FAM107B: variants seen among roughly 807,000 people sequenced by gnomAD.
FAM107B encodes protein FAM107B.
A neutral mutation model predicts 31.5 loss-of-function variants in FAM107B; 21 were observed. The ratio of observed to expected loss-of-function variants is 0.67; its 90% confidence interval spans 0.47 to 0.96. The LOEUF (loss-of-function observed/expected upper bound fraction) is 0.96, where lower values mean the gene tolerates loss of function less well. FAM107B is among the 40% of genes least tolerant of loss of function. The pLI is 0.00. For synonymous variants in FAM107B, 157 were observed against 141.5 expected (o/e 1.11, Z -0.78); for missense variants, 452 against 377.1 (o/e 1.20, Z -1.64).
At chr10:14,577,327 A>G (rs1427146878) in intron 2 of FAM107B, among the ~76,000 whole-genome samples, 3 of 152,206 alleles carry the variant, frequency 2.0e-5, no homozygotes, top group South Asian at 2.1e-4. Flanking sequence ...ATGGGGCCCA[A>G]TGGAGAAAGA....
At chr10:14,559,252 G>C (rs1850017790) in intron 2 of FAM107B, among the ~76,000 whole-genome samples, 1 of 152,212 alleles carries the variant, frequency 6.6e-6, no homozygotes. Context: ...AGAACTGCAA[G>C]AACCATTTGG....
intron 1 of FAM107B, among the ~76,000 whole-genome samples, chr10:14,759,703 G>C (rs1016373056): frequency 3.3e-5 from 5 of 152,026 alleles, no homozygotes; most frequent in African/African-American, 1.2e-4. Context: ...TTATGGTATA[G>C]AGCCTTCTTT....
chr10:14,617,499 A>C (rs1852883490), intron 2 of FAM107B, among the ~76,000 whole-genome samples: 1 of 152,194 alleles, frequency 6.6e-6, no homozygotes, highest in South Asian at 2.1e-4. Context: ...TTTAACATAA[A>C]ATTGTACATT....
intron 1 of FAM107B, among the ~76,000 whole-genome samples, chr10:14,761,783 A>G (rs949247807): frequency 2.6e-5 from 4 of 151,010 alleles, no homozygotes; most frequent in Non-Finnish European, 5.9e-5. Flanking sequence ...TTTTTAGTAG[A>G]GGGGGGGGTT....
rs565458479 is a variant in FAM107B at position 14,625,868 on chromosome 10, T to TTAAAAA, written c.469+41765_469+41766insTTTTTA. 1.5e-4 allele frequency among the ~76,000 whole-genome samples: 16 copies of TTAAAAA among 108,916 alleles called. 1 individual carries two copies. Among genetic ancestry groups the TTAAAAA allele is most frequent in the Middle Eastern group, 5.0e-3 (1 of 202 alleles). 71.5% of individuals were successfully genotyped at this position (108,916 alleles called of 152,430 possible). A position where few individuals can be genotyped will look rare whatever the true frequency, so the allele number is the denominator to read the frequency against. On this transcript the variant is annotated intron_variant, in intron 2 of 4. Coordinates refer to ENST00000181796, the MANE Select transcript of FAM107B (RefSeq NM_031453.4). Reference sequence around the variant, plus strand: ...GACCTCCATGCAGCTGCTCATGGATTAAAAAAAAAAAAGCTAATTTCAACA... The same window carrying TTAAAAA: ...GACCTCCATGCAGCTGCTCATGGATTTAAAAAAAAAAAAAAAAAGCTAATTTCAACA...
At chr10:14,618,761 C>T (rs1307937794) in intron 2 of FAM107B, among the ~76,000 whole-genome samples, 1 of 151,962 alleles carries the variant, frequency 6.6e-6, no homozygotes, top group South Asian at 2.1e-4. Flanking sequence ...CGCTTGAACC[C>T]GGGAGACAGA....
intron 2 of FAM107B, among the ~76,000 whole-genome samples, chr10:14,655,561 C>T (rs934480781): frequency 3.3e-5 from 5 of 152,096 alleles, no homozygotes; most frequent in South Asian, 2.1e-4. Flanking sequence ...CTGGCACAAA[C>T]GTTTTAAAAT....
chr10:14,698,080 A>G (rs993399528), intron 1 of FAM107B, among the ~76,000 whole-genome samples: 2 of 152,126 alleles, frequency 1.3e-5, no homozygotes, highest in African/African-American at 4.8e-5. Flanking sequence ...AGCCGAGATC[A>G]TGCCATTTCA....
rs563368340 is a variant in FAM107B, at chr10:14,519,486, C to T, written c.*1704G>A. ...AAAAAATAGTTACCATTCCATTCTT[C>T]GAAACCAAATTACTGTAGAGCAACA... On this transcript the variant is annotated 3_prime_UTR_variant, in exon 5 of 5. Coordinates refer to ENST00000181796, the MANE Select transcript of FAM107B (RefSeq NM_031453.4). The T allele has an allele frequency of 6.6e-5, 10 of 152,182 alleles. No homozygotes were observed. Among genetic ancestry groups the T allele is most frequent in the Non-Finnish European group, 1.3e-4 (9 of 68,030 alleles). The allele number at this position is 152,182 out of a possible 1,614,324, so 9.4% of individuals were successfully genotyped here. A position where few individuals can be genotyped will look rare whatever the true frequency, so the allele number is the denominator to read the frequency against.
chr10:14,536,381 T>C (rs1366319517), intron 2 of FAM107B, among the ~76,000 whole-genome samples: 1 of 152,178 alleles, frequency 6.6e-6, no homozygotes, highest in Non-Finnish European at 1.5e-5. Context: ...GGAGAATCTG[T>C]TTCCTAAGCT....
intron 2 of FAM107B, among the ~76,000 whole-genome samples, chr10:14,596,788 T>C (rs1852202522): frequency 6.6e-6 from 1 of 152,016 alleles, no homozygotes; most frequent in Non-Finnish European, 1.5e-5. Flanking sequence ...CTTCTAAGAG[T>C]CACCTATCCT....
At chr10:14,658,293 C>G (rs1404999407) in intron 2 of FAM107B, among the ~76,000 whole-genome samples, 2 of 152,152 alleles carry the variant, frequency 1.3e-5, no homozygotes, top group East Asian at 3.8e-4. Flanking sequence ...GAGCATTTCC[C>G]CTAAGAAAAG....
At chr10:14,677,272 T>A (rs1194589252) in intron 1 of FAM107B, among the ~76,000 whole-genome samples, 1 of 152,138 alleles carries the variant, frequency 6.6e-6, no homozygotes. Context: ...AAACCCGTGA[T>A]ATAAAGCACT....
intron 1 of FAM107B, among the ~76,000 whole-genome samples, chr10:14,669,831 T>C (rs987448623): frequency 4.6e-5 from 7 of 152,186 alleles, no homozygotes; most frequent in Non-Finnish European, 7.4e-5. Context: ...AACATACAGC[T>C]AGATAGAAGC....
intron 3 of FAM107B, among the ~76,000 whole-genome samples, chr10:14,526,540 G>T (rs1281393132): frequency 6.6e-6 from 1 of 152,110 alleles, no homozygotes; most frequent in East Asian, 1.9e-4. Context: ...TTACATTTCT[G>T]GTTTAGTCAT....
intron 2 of FAM107B, among the ~76,000 whole-genome samples, chr10:14,662,828 T>C (rs1854281585): frequency 6.6e-6 from 1 of 152,050 alleles, no homozygotes; most frequent in African/African-American, 2.4e-5. Flanking sequence ...GTCAACTTGA[T>C]TGGATTGAAG....
At chr10:14,728,327 AG>A (rs1334370130) in intron 1 of FAM107B, among the ~76,000 whole-genome samples, 4 of 147,502 alleles carry the variant, frequency 2.7e-5, no homozygotes, top group African/African-American at 7.8e-5. Flanking sequence ...CTTTGGTATA[AG>A]GGGTGTGTGT....
chr10:14,531,790 G>A (rs1847045529), intron 2 of FAM107B, among the ~76,000 whole-genome samples: 1 of 152,104 alleles, frequency 6.6e-6, no homozygotes, highest in Non-Finnish European at 1.5e-5. Context: ...AGCCGAGATC[G>A]CACCATTGCA....
At position 14,526,838 on chromosome 10, in the gene FAM107B, TA is replaced by T. The variant is rs201364531; in HGVS notation, c.653+3493del. 3.4e-4 allele frequency among the ~76,000 whole-genome samples: 52 copies of T among 151,144 alleles called. 2 individuals are homozygous for T. The highest frequency in any genetic ancestry group is 7.7e-4 in the East Asian group (4 of 5,170). On this transcript the variant is annotated intron_variant, in intron 3 of 4. Transcript: ENST00000181796. The stretch of plus-strand genomic sequence containing the variant: ...TCTCTCTAAATAATATCAGAAATAT[TA>T]ATTTTTTTTTTTTTTTGAGACGGAG...
Sources: gnomAD v4.1 joint callset for allele counts (sites outside exome capture counted in the v4.1 genomes callset) on GRCh38, gnomAD v4.1.1 for gene constraint, MANE v1.5 for transcripts, NCBI Gene and HGNC (gene_info 2026-07-23, HGNC 2026-07-21) for gene names.